The following PCDH15 variants were observed in gnomAD, a reference collection of about 807,000 sequenced individuals.
PCDH15 encodes the protein protocadherin related 15.
In PCDH15, 129 loss-of-function variants were observed where a neutral mutation model predicts 178.5. That is an observed-to-expected ratio of 0.72 (90% CI 0.63 to 0.84). The LOEUF (loss-of-function observed/expected upper bound fraction) is 0.84. Among genes scored for constraint, PCDH15 ranks in the 40% least tolerant of loss-of-function variants. PCDH15 has a pLI of 0.00. For missense variants in PCDH15, 2,230 were observed against 2,099.9 expected (o/e 1.06, Z -1.21); for synonymous variants, 800 against 732.0 (o/e 1.09, Z -1.50).
At chr10:55,385,816 CAT>C (rs1011191874) in intron 2 of PCDH15, among the ~76,000 whole-genome samples, 4 of 145,646 alleles carry the variant, frequency 2.7e-5, no homozygotes, top group East Asian at 2.0e-4. Context: ...CATATATATG[CAT>C]ATATATACGT....
intron 37 of PCDH15, chr10:53,809,568 T>C (rs377418010): frequency 3.1e-6 from 5 of 1,601,152 alleles, no homozygotes; most frequent in African/African-American, 1.3e-5. Flanking sequence ...GAAAATGCAA[T>C]TGAAGTGTCA....
At chr10:54,533,681 C>A (rs1294821649) in intron 2 of PCDH15, among the ~76,000 whole-genome samples, 1 of 152,130 alleles carries the variant, frequency 6.6e-6, no homozygotes, top group East Asian at 1.9e-4. Flanking sequence ...TATTTCCTTA[C>A]AAGCTGCCTA....
chr10:53,809,501 G>A (rs373365619), intron 37 of PCDH15: 1 of 1,612,848 alleles, frequency 6.2e-7, no homozygotes, highest in Non-Finnish European at 8.5e-7. Context: ...TCCTCACTAG[G>A]CTCTCTAATT....
chr10:54,871,863 T>A (rs1427970117), intron 3 of PCDH15, among the ~76,000 whole-genome samples: 1 of 152,118 alleles, frequency 6.6e-6, no homozygotes, highest in East Asian at 1.9e-4. Context: ...CCTGAGAGGA[T>A]CTCTATAGAA....
At chr10:54,608,118 T>G (rs1226044412) in intron 2 of PCDH15, among the ~76,000 whole-genome samples, 1 of 151,848 alleles carries the variant, frequency 6.6e-6, no homozygotes, top group Non-Finnish European at 1.5e-5. Context: ...GGCATAGCCC[T>G]GAGGGGATTT....
chr10:54,801,261 C>T (rs1952634899), upstream of PCDH15: 1 of 152,204 alleles, frequency 6.6e-6, no homozygotes, highest in African/African-American at 2.4e-5. Context: ...TCTGTCTGCC[C>T]TCTATCTGTC....
At chr10:53,874,517 C>A (rs938651229) in intron 26 of PCDH15, among the ~76,000 whole-genome samples, 1 of 152,118 alleles carries the variant, frequency 6.6e-6, no homozygotes, top group East Asian at 1.9e-4. Context: ...TAGGCCTGAT[C>A]TCCACCTGAA....
intron 26 of PCDH15, among the ~76,000 whole-genome samples, chr10:53,888,350 G>GTA (rs1334787307): frequency 1.2e-4 from 7 of 60,036 alleles, no homozygotes; most frequent in South Asian, 8.5e-4. Flanking sequence ...ATATATATAC[G>GTA]TATATATACA....
chr10:54,266,961 T>C (rs763221013), intron 8 of PCDH15, among the ~76,000 whole-genome samples: 6 of 151,752 alleles, frequency 4.0e-5, no homozygotes, highest in Non-Finnish European at 8.8e-5. Flanking sequence ...TACCAAAATA[T>C]GGCAAATACA....
intron 2 of PCDH15, among the ~76,000 whole-genome samples, chr10:55,130,147 G>T (rs1343629171): frequency 2.0e-5 from 3 of 152,146 alleles, no homozygotes; most frequent in Non-Finnish European, 4.4e-5. Flanking sequence ...TGATTGGAGT[G>T]GATGTAGATG....
chr10:55,380,275 G>C (rs1224682187), intron 2 of PCDH15, among the ~76,000 whole-genome samples: 2 of 152,114 alleles, frequency 1.3e-5, no homozygotes, highest in African/African-American at 4.8e-5. Flanking sequence ...CATAGGGAAA[G>C]AAATATGTGA....
intron 15 of PCDH15, among the ~76,000 whole-genome samples, chr10:54,126,334 A>G (rs16937927): frequency 0.029 from 4,471 of 151,954 alleles, 239 homozygotes; most frequent in African/African-American, 0.1. Context: ...CCTCTCAAAC[A>G]CTTTTTTCTA....
At chr10:53,821,795 G>T in intron 32 of PCDH15, 3 of 1,600,186 alleles carry the variant, frequency 1.9e-6, no homozygotes, top group African/African-American at 2.7e-5. Flanking sequence ...GTTCAAATTT[G>T]ATGTTCAACT....
chr10:54,736,550 A>G, intron 1 of PCDH15, among the ~76,000 whole-genome samples: 1 of 152,064 alleles, frequency 6.6e-6, no homozygotes, highest in East Asian at 1.9e-4. Flanking sequence ...ACAAAATAAA[A>G]TTCATGTTTC....
At chr10:54,369,427 A>G (rs1487508530) in intron 4 of PCDH15, 152 bp from the exon 5 acceptor site, 1 of 774,300 alleles carries the variant, frequency 1.3e-6, no homozygotes, top group Non-Finnish European at 2.1e-6. Flanking sequence ...TAAGGACAAG[A>G]GAAGACAATC....
chr10:54,117,526 CTCT>C (rs1431336196), intron 15 of PCDH15, among the ~76,000 whole-genome samples: 1 of 152,142 alleles, frequency 6.6e-6, no homozygotes, highest in Non-Finnish European at 1.5e-5. Context: ...TGTGTTACAG[CTCT>C]TCTTTTAGTC....
chr10:54,714,882 C>T (rs2095462211), intron 1 of PCDH15, among the ~76,000 whole-genome samples: 1 of 152,046 alleles, frequency 6.6e-6, no homozygotes, highest in African/African-American at 2.4e-5. Context: ...GTGGTATAAA[C>T]AAATATATTC....
intron 2 of PCDH15, among the ~76,000 whole-genome samples, chr10:55,133,271 G>C (rs555469673): frequency 9.9e-5 from 15 of 152,234 alleles, no homozygotes; most frequent in African/African-American, 3.6e-4. Flanking sequence ...AATCCAATGA[G>C]AAGTTCCCAG....
intron 2 of PCDH15, among the ~76,000 whole-genome samples, chr10:55,520,303 ATATATATATATACATGCAATGTG>A (rs1397149288): frequency 2.1e-5 from 1 of 48,336 alleles, no homozygotes; most frequent in Non-Finnish European, 4.3e-5. Flanking sequence ...CAATATGTAT[ATATATATATATACATGCAATGTG>A]TATATATATA....
Sources: gnomAD v4.1 joint callset for allele counts (sites outside exome capture counted in the v4.1 genomes callset) on GRCh38, gnomAD v4.1.1 for gene constraint, MANE v1.5 for transcripts, NCBI Gene and HGNC (gene_info 2026-07-23, HGNC 2026-07-21) for gene names.